The following TMEM80 variants were observed in gnomAD, a reference collection of about 807,000 sequenced individuals.
TMEM80 encodes the protein transmembrane protein 80.
In TMEM80, 16 loss-of-function variants were observed where a neutral mutation model predicts 13.6. The observed-to-expected ratio is 1.17, with a 90% CI of 0.79 to 1.78. The LOEUF (loss-of-function observed/expected upper bound fraction) is 1.78, where lower values mean the gene tolerates loss of function less well. Among genes scored for constraint, TMEM80 ranks in the 40% most tolerant of loss-of-function variants. The pLI is 0.00. For missense variants in TMEM80, 167 were observed against 184.6 expected, an observed-to-expected ratio of 0.90 and a Z score of 0.55; for synonymous variants, 92 against 89.5, an observed-to-expected ratio of 1.03 and a Z score of -0.16.
At position 702,963 on chromosome 11, in the gene TMEM80, C is replaced by G; in HGVS notation, c.245C>G (p.Thr82Arg). The G allele has an allele frequency of 6.2e-7, 1 of 1,609,466 alleles. No individual in the cohort carries two copies. Residue 82 changes from threonine to arginine, a missense_variant, in exon 5 of 5, where the codon ACA (threonine) becomes AGA (arginine). Transcript: ENST00000397510. ...RLYLGTRGNLTEAERPLAASL... is the reference protein window; with the variant it reads ...RLYLGTRGNLREAERPLAASL... Reference sequence around the variant, plus strand: ...TCTCCAGGCACCAGGGGCAACCTGACAGAGGCTGAGAGGCCGCTGGCCGCC... The same window carrying G: ...TCTCCAGGCACCAGGGGCAACCTGAGAGAGGCTGAGAGGCCGCTGGCCGCC...
In TMEM80 at chr11:703,013, G is replaced by A. The variant is rs753838605; in HGVS notation, c.295G>A (p.Ala99Thr). ...CAGCCTGGCCCTCACGGCTGGCACC[G>A]CCCTCCTCTCTGCCCACTTCCTGCT... ...AASLALTAGT[A>T]LLSAHFLLWQ... The change falls in exon 5 of 5, where the codon GCC becomes ACC. Residue 99 changes from alanine (A) to threonine (T), a missense_variant. By Grantham distance (58) the Ala-to-Thr change is moderately conservative. Transcript: ENST00000397510. The A allele has an allele frequency of 2.1e-5, 34 of 1,612,388 alleles. No individual in the cohort carries two copies. The highest frequency in any genetic ancestry group is 2.7e-5 in the Non-Finnish European group (32 of 1,179,840).
chr11:697,362 C>T (rs951453833), intron 1 of TMEM80: 2 of 152,250 alleles, frequency 1.3e-5, no homozygotes, highest in African/African-American at 4.8e-5. Flanking sequence ...CTGCCTGACA[C>T]AGCTATTCGT....
intron 4 of TMEM80, 81 bp downstream of exon 4, chr11:700,788 T>G: frequency 1.5e-6 from 2 of 1,310,342 alleles, no homozygotes; most frequent in Non-Finnish European, 2.2e-6. Flanking sequence ...GTAATTATTT[T>G]ATAGTGTGGT....
intron 4 of TMEM80, among the ~76,000 whole-genome samples, chr11:701,364 TG>T (rs1301515435): frequency 7.5e-6 from 1 of 133,882 alleles, no homozygotes; most frequent in Non-Finnish European, 1.7e-5. Flanking sequence ...AATTTTGTTT[TG>T]TTTTGTTTTG....
intron 4 of TMEM80, among the ~76,000 whole-genome samples, chr11:702,428 T>C: frequency 6.6e-6 from 1 of 152,272 alleles, no homozygotes; most frequent in East Asian, 1.9e-4. Context: ...AACGGGACCC[T>C]CCCCAAGCGC....
chr11:696,660 G>GGAGGCT (rs1861181967), intron 1 of TMEM80, among the ~76,000 whole-genome samples: 1 of 146,332 alleles, frequency 6.8e-6, no homozygotes, highest in South Asian at 2.1e-4. Context: ...AAGCTATTCT[G>GGAGGCT]GAGGCTGAGG....
intron 4 of TMEM80, among the ~76,000 whole-genome samples, chr11:701,442 G>A (rs1362633472): frequency 3.4e-4 from 39 of 115,274 alleles, no homozygotes; most frequent in Non-Finnish European, 4.3e-4. Context: ...ACAGAGTCTC[G>A]CTCTGTCGCC....
In TMEM80 at chr11:695,912, C is replaced by G. The variant is rs1861122417; in HGVS notation, c.19+66C>G. 3 of 1,172,584 alleles carry G rather than the reference C, an allele frequency of 2.6e-6. No homozygotes were observed. The Admixed American group carries it at 1.3e-4, about 50-fold the overall frequency. 72.6% of individuals were successfully genotyped at this position (1,172,584 alleles called of 1,614,324 possible). On this transcript the variant is annotated intron_variant, in intron 1 of 4. Coordinates refer to ENST00000397510, the MANE Select transcript of TMEM80 (RefSeq NM_001042463.3). ...CGGGCGCGGCGTTTCCCTGTGGTGA[C>G]AATCCGGTTTCCGCTTTCGGTGCGC... is the stretch of plus-strand genomic sequence containing the variant.
chr11:704,708 G>C, downstream of TMEM80: 1 of 1,229,276 alleles, frequency 8.1e-7, no homozygotes, highest in Non-Finnish European at 1.1e-6. Context: ...GTTCCACAGG[G>C]AACGCCATGG....
At chr11:696,091 C>T (rs1287212238) in intron 1 of TMEM80, among the ~76,000 whole-genome samples, 1 of 152,020 alleles carries the variant, frequency 6.6e-6, no homozygotes, top group Non-Finnish European at 1.5e-5. Context: ...GGGTGCGGAG[C>T]GGCTCTGGGG....
In TMEM80 at chr11:701,133, A is replaced by G. The variant is rs561803235; in HGVS notation, c.226+426A>G. 59 of 206,490 alleles carry G rather than the reference A, an allele frequency of 2.9e-4. 1 individual carries two copies. The highest frequency in any genetic ancestry group is 1.3e-3 in the African/African-American group (58 of 43,664). The allele number at this position is 206,490 out of a possible 1,614,324, so 12.8% of individuals were successfully genotyped here. A position where few individuals can be genotyped will look rare whatever the true frequency, so the allele number is the denominator to read the frequency against. On this transcript the variant is annotated intron_variant, in intron 4 of 4. Coordinates refer to ENST00000397510, the MANE Select transcript of TMEM80 (RefSeq NM_001042463.3). ...AGAGTCTGGAGGGGTGGGAGCCCCCAGCCTCCCCACTCCAGCTCTAGGGAT... is the reference window on the plus strand; with the variant it reads ...AGAGTCTGGAGGGGTGGGAGCCCCCGGCCTCCCCACTCCAGCTCTAGGGAT...
intron 4 of TMEM80, 44 bp downstream of exon 4, chr11:700,751 GCTAT>G (rs751667890): frequency 7.9e-6 from 12 of 1,527,456 alleles, no homozygotes; most frequent in East Asian, 2.2e-5. Context: ...CCTAAGAGTT[GCTAT>G]CTGTTTCCAC....
intron 1 of TMEM80, among the ~76,000 whole-genome samples, chr11:696,321 G>A (rs1302384437): frequency 6.6e-6 from 1 of 152,002 alleles, no homozygotes; most frequent in African/African-American, 2.4e-5. Flanking sequence ...TCTGCTGTCT[G>A]TGGGTACAGC....
At chr11:700,808 C>A in intron 4 of TMEM80, 101 bp downstream of exon 4, 3 of 1,115,588 alleles carry the variant, frequency 2.7e-6, no homozygotes, top group African/African-American at 1.5e-5. Context: ...TTCTCAGAGA[C>A]ATTTTTTATC....
chr11:700,709 T>G lies in TMEM80; in HGVS notation c.226+2T>G, dbSNP rs1282798250. On this transcript the variant is annotated splice_donor_variant, in intron 4 of 4. Transcript: ENST00000397510. LOFTEE classifies it high-confidence loss of function. Reference sequence around the variant, plus strand: ...TAGAAGCAGTTCGGTTATACCTGGGTGAGTGGACTGTTAACACCGTGAAGA... The same window carrying G: ...TAGAAGCAGTTCGGTTATACCTGGGGGAGTGGACTGTTAACACCGTGAAGA... The G allele has an allele frequency of 1.2e-6, 2 of 1,613,030 alleles. No homozygotes were observed. Among genetic ancestry groups the G allele is most frequent in the South Asian group, 1.1e-5 (1 of 91,062 alleles).
rs60778156 is a variant in TMEM80, at chr11:702,439, G to A, written c.227-506G>A. Among the ~76,000 whole-genome samples the A allele has an allele frequency of 6.4e-3, 978 of 152,336 alleles. 6 individuals carry two copies. Among genetic ancestry groups the A allele is most frequent in the African/African-American group, 0.022 (922 of 41,574 alleles). On this transcript the variant is annotated intron_variant, in intron 4 of 4. Transcript: ENST00000397510. ...GGCCAACGGGACCCTCCCCAAGCGC[G>A]CCGCACACTGCAGGGTCTCCAGGCA...
chr11:700,598 G>T lies in TMEM80; in HGVS notation c.134-17G>T. 1 of 1,608,676 alleles carries T rather than the reference G, an allele frequency of 6.2e-7. No individual in the cohort carries two copies. The highest frequency in any genetic ancestry group is 2.2e-5 in the East Asian group (1 of 44,832). Reference sequence around the variant, plus strand: ...GTGCCAGGTTACTTATGTTCCGTCCGCGCCTCTGCTCTTCAGGTCAGGTGT... The same window carrying T: ...GTGCCAGGTTACTTATGTTCCGTCCTCGCCTCTGCTCTTCAGGTCAGGTGT... On this transcript the variant is annotated splice_polypyrimidine_tract_variant and intron_variant, in intron 3 of 4. Transcript: ENST00000397510.
At chr11:700,785 T>G (rs776655732) in intron 4 of TMEM80, 78 bp downstream of exon 4, 2 of 1,331,498 alleles carry the variant, frequency 1.5e-6, no homozygotes, top group South Asian at 1.2e-5. Context: ...AGAGTAATTA[T>G]TTTATAGTGT....
At chr11:699,972 G>C in intron 2 of TMEM80, 170 bp from the exon 3 acceptor site, 2 of 586,412 alleles carry the variant, frequency 3.4e-6, no homozygotes, top group Non-Finnish European at 6.1e-6. Flanking sequence ...CACATTGGCA[G>C]CCAGCATAGT....
Sources: gnomAD v4.1 joint callset for allele counts (sites outside exome capture counted in the v4.1 genomes callset) on GRCh38, gnomAD v4.1.1 for gene constraint, MANE v1.5 for transcripts, NCBI Gene and HGNC (gene_info 2026-07-23, HGNC 2026-07-21) for gene names.